Variants in HS6ST2 observed in about 807,000 individuals in gnomAD.
The protein encoded by HS6ST2 is heparan sulfate 6-O-sulfotransferase 2.
HS6ST2 carries 17 observed loss-of-function variants against 33.0 expected under a neutral mutation model. The ratio of observed to expected loss-of-function variants is 0.52; its 90% CI spans 0.35 to 0.77. The LOEUF is 0.77. Among genes scored for constraint, HS6ST2 ranks in the 30% least tolerant of loss-of-function variants. The pLI is 0.01. For synonymous variants in HS6ST2, 248 were observed against 237.1 expected (o/e 1.05, Z -0.42); for missense variants, 519 against 551.7 (o/e 0.94, Z 0.59).
chrX:132,853,141 T>C (rs1195566229), intron 2 of HS6ST2, among the ~76,000 whole-genome samples: 2 of 111,375 alleles, frequency 1.8e-5, no homozygotes, highest in Non-Finnish European at 3.8e-5. Context: ...TTTTCAGTTT[T>C]AAACAAAATT....
chrX:132,840,785 A>C (rs920493360), intron 2 of HS6ST2, among the ~76,000 whole-genome samples: 2 of 112,040 alleles, frequency 1.8e-5, no homozygotes, highest in Non-Finnish European at 3.8e-5. Flanking sequence ...ACTTATTCTT[A>C]AATCATTCTG....
At chrX:132,637,380 G>A (rs1202796253) in intron 4 of HS6ST2, among the ~76,000 whole-genome samples, 3 of 110,566 alleles carry the variant, frequency 2.7e-5, no homozygotes, top group Non-Finnish European at 5.7e-5. Context: ...CTGTGCCCCC[G>A]GATGCAAGCC....
At chrX:132,732,392 G>C (rs2064467780) in intron 2 of HS6ST2, among the ~76,000 whole-genome samples, 1 of 111,596 alleles carries the variant, frequency 9.0e-6, no homozygotes, top group Admixed American at 9.5e-5. Flanking sequence ...AGTTTCGTTA[G>C]GCATAGGAAT....
intron 3 of HS6ST2, among the ~76,000 whole-genome samples, chrX:132,682,776 C>T (rs1242332596): frequency 4.6e-5 from 5 of 109,769 alleles, no homozygotes; most frequent in Non-Finnish European, 9.5e-5. Flanking sequence ...GGGAGTATGC[C>T]CCTCTTACTC....
intron 3 of HS6ST2, among the ~76,000 whole-genome samples, chrX:132,680,698 T>C (rs2063962658): frequency 9.0e-6 from 1 of 111,097 alleles, no homozygotes; most frequent in Non-Finnish European, 1.9e-5. Flanking sequence ...CCCATCATAA[T>C]AGACTCATTT....
intron 2 of HS6ST2, among the ~76,000 whole-genome samples, chrX:132,862,980 G>A (rs1263196886): frequency 8.9e-6 from 1 of 112,195 alleles, no homozygotes; most frequent in African/African-American, 3.2e-5. Flanking sequence ...TCACCTGTCT[G>A]ATCAAGGTGA....
chrX:132,882,649 C>T (rs1276074403), intron 2 of HS6ST2, among the ~76,000 whole-genome samples: 2 of 108,796 alleles, frequency 1.8e-5, no homozygotes, highest in Admixed American at 2.0e-4. Context: ...CTGGCCAGAA[C>T]TTCCAACACT....
At chrX:132,959,609 C>T (rs2067128378), upstream of HS6ST2, among the ~76,000 whole-genome samples, 1 of 112,230 alleles carries the variant, frequency 8.9e-6, no homozygotes, top group Non-Finnish European at 1.9e-5. Flanking sequence ...CTGCTCCATC[C>T]GTTTCCTGTT....
At chrX:132,855,874 C>T (rs750222244) in intron 2 of HS6ST2, among the ~76,000 whole-genome samples, 17 of 109,429 alleles carry the variant, frequency 1.6e-4, no homozygotes, top group Non-Finnish European at 2.1e-4. Flanking sequence ...GATGTGGTTC[C>T]GGGAGTTGGT....
intron 2 of HS6ST2, among the ~76,000 whole-genome samples, chrX:132,939,943 G>A (rs2066870164): frequency 9.0e-6 from 1 of 111,695 alleles, no homozygotes; most frequent in South Asian, 3.7e-4. Flanking sequence ...ATATTGATAA[G>A]CTGATGCTAA....
In HS6ST2 at chrX:132,763,671, G is replaced by A. The variant is rs140969828; in HGVS notation, c.948-55177C>T. Among the ~76,000 whole-genome samples, 8 of 111,952 alleles carry A rather than the reference G, an allele frequency of 7.1e-5. No homozygotes were observed. In the South Asian group the frequency reaches 1.9e-3, roughly 27 times the overall value. ...TGTCTAATCTTGCTCACTTGACGAT[G>A]CTAGGGCCATGGCGAAGTGACTGAG... is the stretch of plus-strand genomic sequence containing the variant. On this transcript the variant is annotated intron_variant, in intron 2 of 4. Coordinates refer to ENST00000370833, the MANE Select transcript of HS6ST2 (RefSeq NM_001394073.1).
intron 4 of HS6ST2, among the ~76,000 whole-genome samples, chrX:132,647,974 G>C (rs767703026): frequency 8.9e-6 from 1 of 112,522 alleles, no homozygotes; most frequent in Non-Finnish European, 1.9e-5. Context: ...CAGACTCTGT[G>C]CTTCAGTTTC....
intron 2 of HS6ST2, among the ~76,000 whole-genome samples, chrX:132,773,607 A>T (rs150334230): frequency 0.022 from 2,450 of 111,728 alleles, 48 homozygotes; most frequent in East Asian, 0.13. Context: ...AGATAAATAA[A>T]ATGTGATTAA....
chrX:132,853,999 G>T (rs1289844088), intron 2 of HS6ST2, among the ~76,000 whole-genome samples: 1 of 110,594 alleles, frequency 9.0e-6, no homozygotes, highest in African/African-American at 3.3e-5. Context: ...TCACACCACT[G>T]CACTCCAGCT....
intron 2 of HS6ST2, among the ~76,000 whole-genome samples, chrX:132,789,328 C>T (rs1366124288): frequency 9.0e-6 from 1 of 110,941 alleles, no homozygotes; most frequent in Non-Finnish European, 1.9e-5. Flanking sequence ...ACAACAAAAC[C>T]TGGATTAAAG....
Position 132,841,962 on chromosome X carries a change from G to A in HS6ST2, c.947+114846C>T, listed in dbSNP as rs751709037. 3.6e-5 allele frequency among the ~76,000 whole-genome samples: 4 copies of A among 112,034 alleles called. No individual in the cohort carries two copies. In the East Asian group the frequency reaches 1.1e-3, roughly 32 times the overall value. On this transcript the variant is annotated intron_variant, in intron 2 of 4. Coordinates refer to ENST00000370833, the MANE Select transcript of HS6ST2 (RefSeq NM_001394073.1). ...GTATCTTTTAAAGTTTAAGAAGATT[G>A]AAGATGAAAGACGTTGGGTTAAGGA...
chrX:132,863,980 A>T (rs916284178), intron 2 of HS6ST2, among the ~76,000 whole-genome samples: 8 of 111,554 alleles, frequency 7.2e-5, no homozygotes, highest in Non-Finnish European at 1.5e-4. Flanking sequence ...GACCTCCAGC[A>T]AACTCCAGCA....
intron 2 of HS6ST2, among the ~76,000 whole-genome samples, chrX:132,868,778 G>A (rs997145260): frequency 2.7e-5 from 3 of 111,715 alleles, no homozygotes; most frequent in African/African-American, 9.8e-5. Flanking sequence ...CACAGCTAAA[G>A]CAGTGTTTAG....
At chrX:132,825,262 G>A (rs1348848875) in intron 2 of HS6ST2, among the ~76,000 whole-genome samples, 3 of 111,720 alleles carry the variant, frequency 2.7e-5, no homozygotes, top group Non-Finnish European at 5.6e-5. Context: ...GAGAAAGGAG[G>A]AAACCAACTA....
Sources: gnomAD v4.1 joint callset for allele counts (sites outside exome capture counted in the v4.1 genomes callset) on GRCh38, gnomAD v4.1.1 for gene constraint, MANE v1.5 for transcripts, NCBI Gene and HGNC (gene_info 2026-07-23, HGNC 2026-07-21) for gene names.